IL1RAPL1: variants seen among roughly 807,000 people sequenced by gnomAD.
IL1RAPL1 encodes the protein interleukin 1 receptor accessory protein like 1.
IL1RAPL1 carries 3 observed loss-of-function variants against 48.4 expected under a neutral mutation model. The observed-to-expected ratio is 0.06, with a 90% CI of 0.03 to 0.16. The LOEUF is 0.16. Among genes scored for constraint, IL1RAPL1 ranks in the 10% least tolerant of loss-of-function variants. IL1RAPL1 has a pLI of 1.00. For missense variants in IL1RAPL1, 349 were observed against 530.6 expected, an observed-to-expected ratio of 0.66 and a Z score of 3.36; for synonymous variants, 185 against 187.7, an observed-to-expected ratio of 0.99 and a Z score of 0.12.
At chrX:29,175,031 G>A (rs1319304569) in intron 2 of IL1RAPL1, among the ~76,000 whole-genome samples, 1 of 101,363 alleles carries the variant, frequency 9.9e-6, no homozygotes, top group Non-Finnish European at 2.0e-5. Context: ...CTGAGATTGC[G>A]GCACTGCACT....
At chrX:29,529,122 T>C (rs1213698908) in intron 5 of IL1RAPL1, among the ~76,000 whole-genome samples, 2 of 111,183 alleles carry the variant, frequency 1.8e-5, no homozygotes, top group East Asian at 5.6e-4. Context: ...TTTAAAAAAA[T>C]TTCATGGTCA....
At chrX:29,135,569 G>A (rs1044840145) in intron 2 of IL1RAPL1, among the ~76,000 whole-genome samples, 1 of 111,280 alleles carries the variant, frequency 9.0e-6, no homozygotes, top group African/African-American at 3.3e-5. Context: ...TAGAACCCTG[G>A]ACCCCAGACT....
chrX:29,624,414 G>A (rs1401008447), intron 5 of IL1RAPL1, among the ~76,000 whole-genome samples: 1 of 112,474 alleles, frequency 8.9e-6, no homozygotes, highest in Non-Finnish European at 1.9e-5. Context: ...AAACTACGTG[G>A]CTTTTTAATA....
At chrX:29,777,114 C>T (rs79136457) in intron 6 of IL1RAPL1, among the ~76,000 whole-genome samples, 1 of 112,149 alleles carries the variant, frequency 8.9e-6, no homozygotes, top group African/African-American at 3.2e-5. Context: ...GAGGAGCTAT[C>T]GGATTTTCAA....
chrX:29,298,531 G>A (rs1932482989), intron 3 of IL1RAPL1, among the ~76,000 whole-genome samples: 3 of 111,840 alleles, frequency 2.7e-5, no homozygotes, highest in Admixed American at 9.5e-5. Flanking sequence ...TCTCAGAATA[G>A]CATTTCCTCC....
chrX:29,621,337 A>G (rs759425073), intron 5 of IL1RAPL1, among the ~76,000 whole-genome samples: 10 of 111,471 alleles, frequency 9.0e-5, no homozygotes, highest in Non-Finnish European at 1.7e-4. Flanking sequence ...AAGTATATGG[A>G]TGCAGATGAG....
intron 2 of IL1RAPL1, among the ~76,000 whole-genome samples, chrX:28,906,593 A>G (rs1480418126): frequency 2.7e-5 from 3 of 112,199 alleles, no homozygotes; most frequent in Non-Finnish European, 5.6e-5. Context: ...ATATGAATAG[A>G]GAAAATACTA....
intron 2 of IL1RAPL1, among the ~76,000 whole-genome samples, chrX:29,041,495 A>C (rs1416951423): frequency 8.9e-6 from 1 of 112,087 alleles, no homozygotes; most frequent in African/African-American, 3.2e-5. Flanking sequence ...CCGAGCAGAA[A>C]ATTTTACAGT....
chrX:29,774,416 C>T (rs1450544262), intron 6 of IL1RAPL1, among the ~76,000 whole-genome samples: 2 of 110,998 alleles, frequency 1.8e-5, no homozygotes, highest in East Asian at 5.6e-4. Context: ...TATAATTAGA[C>T]AAAGAAGTAA....
intron 2 of IL1RAPL1, among the ~76,000 whole-genome samples, chrX:29,059,989 TG>T (rs1927306401): frequency 8.9e-6 from 1 of 111,940 alleles, no homozygotes; most frequent in Non-Finnish European, 1.9e-5. Context: ...CAATGTCAGT[TG>T]ATCATGTTGT....
chrX:29,052,364 A>G (rs1195633016), intron 2 of IL1RAPL1, among the ~76,000 whole-genome samples: 1 of 111,355 alleles, frequency 9.0e-6, no homozygotes, highest in African/African-American at 3.3e-5. Context: ...TCCAGAATTC[A>G]GTCATTTCTC....
chrX:29,942,156 T>G lies in IL1RAPL1; in HGVS notation c.1201+362T>G, dbSNP rs759654461. Among the ~76,000 whole-genome samples, 11 of 112,059 alleles carry G rather than the reference T, an allele frequency of 9.8e-5. No individual in the cohort carries two copies. In the South Asian group the frequency reaches 4.1e-3, roughly 42 times the overall value. On this transcript the variant is annotated intron_variant, in intron 9 of 10. Coordinates refer to ENST00000378993, the MANE Select transcript of IL1RAPL1 (RefSeq NM_014271.4). ...TTAGGTAAGGAGTGTCTCTTTTAATTGTGTTTTCTAGCCCAGTAGTTTGAA... is the reference window on the plus strand; with the variant it reads ...TTAGGTAAGGAGTGTCTCTTTTAATGGTGTTTTCTAGCCCAGTAGTTTGAA...
At chrX:29,243,218 T>C (rs115431089) in intron 2 of IL1RAPL1, among the ~76,000 whole-genome samples, 1,819 of 112,503 alleles carry the variant, frequency 0.016, 31 homozygotes, top group African/African-American at 0.051. Flanking sequence ...CATTTTGCGT[T>C]CATGCTTTGA....
intron 1 of IL1RAPL1, among the ~76,000 whole-genome samples, chrX:28,712,788 T>G (rs1935455806): frequency 1.8e-5 from 2 of 111,179 alleles, no homozygotes; most frequent in Admixed American, 1.9e-4. Flanking sequence ...ATTCATACTA[T>G]TAAATAGAAT....
intron 2 of IL1RAPL1, among the ~76,000 whole-genome samples, chrX:29,202,493 C>A (rs185049492): frequency 1.2e-3 from 129 of 112,033 alleles, no homozygotes; most frequent in Non-Finnish European, 2.1e-3. Context: ...ATTTACCTAG[C>A]AGTCCCATTA....
At chrX:28,636,720 G>A (rs1420574580) in intron 1 of IL1RAPL1, among the ~76,000 whole-genome samples, 1 of 111,342 alleles carries the variant, frequency 9.0e-6, no homozygotes, top group Non-Finnish European at 1.9e-5. Flanking sequence ...ATAAGGGATA[G>A]AGCAAAAGGG....
At chrX:29,218,166 T>A (rs939472348) in intron 2 of IL1RAPL1, among the ~76,000 whole-genome samples, 1 of 111,881 alleles carries the variant, frequency 8.9e-6, no homozygotes, top group Non-Finnish European at 1.9e-5. Context: ...GAAGTATACA[T>A]GAAACTATTG....
At chrX:29,951,766 A>G (rs946445286) in intron 9 of IL1RAPL1, among the ~76,000 whole-genome samples, 1 of 111,991 alleles carries the variant, frequency 8.9e-6, no homozygotes, top group Non-Finnish European at 1.9e-5. Context: ...CGTTGTGAGC[A>G]TGTGAAGTGT....
intron 6 of IL1RAPL1, among the ~76,000 whole-genome samples, chrX:29,902,330 T>C (rs1236371549): frequency 9.0e-6 from 1 of 111,011 alleles, no homozygotes; most frequent in Admixed American, 9.6e-5. Flanking sequence ...CCATGAACTT[T>C]TGTTTCATGC....
Sources: allele counts gnomAD v4.1 joint callset (sites outside exome capture counted in the v4.1 genomes callset), GRCh38; gene constraint gnomAD v4.1.1; transcripts MANE v1.5; gene names NCBI Gene and HGNC (gene_info 2026-07-23, HGNC 2026-07-21).